The following LRRC4C variants were observed in gnomAD, a reference collection of about 807,000 sequenced individuals.
The protein encoded by LRRC4C is leucine-rich repeat-containing protein 4C.
In LRRC4C, 5 loss-of-function variants were observed where a neutral mutation model predicts 33.6. The ratio of observed to expected loss-of-function variants is 0.15; its 90% CI spans 0.08 to 0.31. The LOEUF (loss-of-function observed/expected upper bound fraction) is 0.31. Ranked by LOEUF, LRRC4C falls within the 10% of genes least tolerant of loss-of-function variation. The pLI is 1.00. For synonymous variants in LRRC4C, 329 were observed against 302.0 expected (o/e 1.09, Z -0.93); for missense variants, 560 against 796.7 (o/e 0.70, Z 3.58).
intron 4 of LRRC4C, among the ~76,000 whole-genome samples, chr11:40,261,697 G>T (rs1941846275): frequency 6.6e-6 from 1 of 151,928 alleles, no homozygotes; most frequent in African/African-American, 2.4e-5. Flanking sequence ...CAGTGATGAA[G>T]CTAAAAAAAG....
intron 1 of LRRC4C, among the ~76,000 whole-genome samples, chr11:40,948,170 T>A (rs1958498975): frequency 6.6e-6 from 1 of 152,090 alleles, no homozygotes. Context: ...TCTGAGTTGT[T>A]TACTCTCCCT....
At chr11:41,281,078 CCTCT>C (rs142279457) in intron 1 of LRRC4C, among the ~76,000 whole-genome samples, 200 of 83,096 alleles carry the variant, frequency 2.4e-3, no homozygotes, top group African/African-American at 9.0e-3. Flanking sequence ...CTCTCTCTGT[CCTCT>C]CTCTCTCTCT....
chr11:41,163,317 T>G (rs1005071416), intron 1 of LRRC4C, among the ~76,000 whole-genome samples: 2 of 77,534 alleles, frequency 2.6e-5, no homozygotes, highest in Non-Finnish European at 5.4e-5. Context: ...AGGGTCTTGC[T>G]CTGTCACCCA....
chr11:41,130,020 G>A (rs1483895636), intron 1 of LRRC4C, among the ~76,000 whole-genome samples: 2 of 152,006 alleles, frequency 1.3e-5, no homozygotes, highest in South Asian at 2.1e-4. Context: ...ACTGTCCATA[G>A]GAGACTAGAT....
intron 6 of LRRC4C, among the ~76,000 whole-genome samples, chr11:40,124,641 T>C (rs1018467821): frequency 6.6e-6 from 1 of 152,096 alleles, no homozygotes; most frequent in Non-Finnish European, 1.5e-5. Flanking sequence ...AGCAGAATGA[T>C]GGTTATCAGA....
chr11:40,637,800 C>T (rs1941842886), intron 3 of LRRC4C, among the ~76,000 whole-genome samples: 1 of 152,180 alleles, frequency 6.6e-6, no homozygotes, highest in East Asian at 1.9e-4. Context: ...GTTCTCCCTT[C>T]CACTCTCATC....
chr11:41,220,913 C>T (rs1947278602), intron 1 of LRRC4C, among the ~76,000 whole-genome samples: 1 of 152,130 alleles, frequency 6.6e-6, no homozygotes, highest in South Asian at 2.1e-4. Flanking sequence ...ACTTTGTGAA[C>T]TTGAGTTAAA....
At chr11:40,710,381 G>T (rs1946402180) in intron 2 of LRRC4C, among the ~76,000 whole-genome samples, 1 of 152,080 alleles carries the variant, frequency 6.6e-6, no homozygotes, top group South Asian at 2.1e-4. Context: ...TTTTGGTGTG[G>T]ATATCCTTTT....
At chr11:40,530,187 C>T (rs1431339352) in intron 3 of LRRC4C, among the ~76,000 whole-genome samples, 2 of 152,030 alleles carry the variant, frequency 1.3e-5, no homozygotes, top group East Asian at 3.8e-4. Flanking sequence ...TGAATCATTT[C>T]TGACTTCGCT....
chr11:41,350,587 ATAT>A (rs1039339158), intron 1 of LRRC4C, among the ~76,000 whole-genome samples: 3 of 152,122 alleles, frequency 2.0e-5, no homozygotes, highest in African/African-American at 7.2e-5. Context: ...ATGAGATGAA[ATAT>A]TAACCTCCAT....
At chr11:41,172,843 AT>A (rs1367778574) in intron 1 of LRRC4C, among the ~76,000 whole-genome samples, 1 of 152,160 alleles carries the variant, frequency 6.6e-6, no homozygotes, top group Non-Finnish European at 1.5e-5. Flanking sequence ...AAAATTAAGA[AT>A]TCTTAATGTA....
At chr11:40,463,231 A>G (rs1338717259) in intron 3 of LRRC4C, among the ~76,000 whole-genome samples, 1 of 152,048 alleles carries the variant, frequency 6.6e-6, no homozygotes. Flanking sequence ...ATAGAAGTAC[A>G]GAAGCATAGA....
chr11:40,442,711 C>G lies in LRRC4C; in HGVS notation c.-269-122990G>C, dbSNP rs575094924. Among the ~76,000 whole-genome samples, 5 of 152,262 alleles carry G rather than the reference C, an allele frequency of 3.3e-5. No homozygotes were observed. In the South Asian group the frequency reaches 1.0e-3, roughly 32 times the overall value. On this transcript the variant is annotated intron_variant, in intron 3 of 6. Coordinates refer to ENST00000528697, the MANE Select transcript of LRRC4C (RefSeq NM_001258419.2). ...TGGAGATCATATAAGCTTTTAGCAG[C>G]AGAAAAAGCTTATTGAATTTCTATT...
chr11:40,305,090 G>A (rs934071558), intron 4 of LRRC4C, among the ~76,000 whole-genome samples: 41 of 152,114 alleles, frequency 2.7e-4, no homozygotes, highest in African/African-American at 9.4e-4. Flanking sequence ...GCCTCTCCAG[G>A]CATATGGGCA....
intron 4 of LRRC4C, among the ~76,000 whole-genome samples, chr11:40,266,419 A>AGC (rs1942264312): frequency 6.6e-6 from 1 of 152,174 alleles, no homozygotes; most frequent in Non-Finnish European, 1.5e-5. Context: ...GTGAGTCTTG[A>AGC]TTGTGCCACT....
At chr11:40,961,157 A>C (rs537348400) in intron 1 of LRRC4C, among the ~76,000 whole-genome samples, 68 of 151,874 alleles carry the variant, frequency 4.5e-4, no homozygotes, top group African/African-American at 1.6e-3. Flanking sequence ...AAGTTATTAC[A>C]AATCTTCTGA....
chr11:41,403,908 C>A (rs1954119125), intron 1 of LRRC4C, among the ~76,000 whole-genome samples: 1 of 151,610 alleles, frequency 6.6e-6, no homozygotes, highest in Non-Finnish European at 1.5e-5. Context: ...TTAAAAAGGG[C>A]AAAAAACGTG....
intron 2 of LRRC4C, among the ~76,000 whole-genome samples, chr11:40,838,725 C>A (rs908410298): frequency 6.6e-6 from 1 of 151,664 alleles, no homozygotes; most frequent in East Asian, 1.9e-4. Flanking sequence ...TAAATATATT[C>A]TGTACATATA....
chr11:40,153,345 C>T (rs536753563), intron 5 of LRRC4C, among the ~76,000 whole-genome samples: 30 of 152,158 alleles, frequency 2.0e-4, no homozygotes, highest in Admixed American at 1.2e-3. Flanking sequence ...GAGAAGGAGC[C>T]AGAAAACCAA....
Sources: gnomAD v4.1 joint callset for allele counts (sites outside exome capture counted in the v4.1 genomes callset) on GRCh38, gnomAD v4.1.1 for gene constraint, MANE v1.5 for transcripts, NCBI Gene and HGNC (gene_info 2026-07-23, HGNC 2026-07-21) for gene names.